TRHDE: variants seen among roughly 807,000 people sequenced by gnomAD.
TRHDE encodes the protein thyrotropin releasing hormone degrading enzyme.
TRHDE carries 72 observed loss-of-function variants against 125.7 expected under a neutral mutation model. That is an observed-to-expected ratio of 0.57 (90% CI 0.47 to 0.70). The LOEUF (loss-of-function observed/expected upper bound fraction) is 0.70, where lower values mean the gene tolerates loss of function less well. Ranked by LOEUF, TRHDE falls within the 30% of genes least tolerant of loss-of-function variation. TRHDE has a pLI of 0.00. For missense variants in TRHDE, 1,110 were observed against 1,327.1 expected, an observed-to-expected ratio of 0.84 and a Z score of 2.54; for synonymous variants, 509 against 509.1, an observed-to-expected ratio of 1.00 and a Z score of 0.00.
chr12:72,662,631 T>G (rs1592602617), intron 18 of TRHDE, among the ~76,000 whole-genome samples: 1 of 152,158 alleles, frequency 6.6e-6, no homozygotes, highest in Non-Finnish European at 1.5e-5. Context: ...GCAGACAAAA[T>G]GTGAACTTTA....
intron 2 of TRHDE, among the ~76,000 whole-genome samples, chr12:72,148,943 T>G (rs891970667): frequency 3.3e-5 from 5 of 152,194 alleles, no homozygotes; most frequent in African/African-American, 1.2e-4. Flanking sequence ...TATAGGACAG[T>G]GTGTATGCTC....
chr12:72,508,727 G>A (rs1284420824), intron 6 of TRHDE, among the ~76,000 whole-genome samples: 1 of 152,142 alleles, frequency 6.6e-6, no homozygotes, highest in African/African-American at 2.4e-5. Flanking sequence ...TTTGCGATGG[G>A]AGAAGGACAT....
intron 10 of TRHDE, among the ~76,000 whole-genome samples, chr12:72,570,202 C>A (rs190189149): frequency 6.6e-6 from 1 of 152,272 alleles, no homozygotes; most frequent in East Asian, 1.9e-4. Context: ...CTGGTGGATA[C>A]CTTTCCGGGT....
In TRHDE at chr12:72,217,925, A is replaced by G. The variant is rs924106157; in HGVS notation, n.279+112173A>G. Among the ~76,000 whole-genome samples, 4 of 152,128 alleles carry G rather than the reference A, an allele frequency of 2.6e-5. No individual in the cohort carries two copies. In the South Asian group the frequency reaches 8.3e-4, roughly 32 times the overall value. ...TATTAAGACAAACTTTAAGATTAGT[A>G]TTAAATTTAAAATTTTTTGTCTATA... On this transcript the variant is annotated intron_variant and non_coding_transcript_variant, in intron 2 of 4. Transcript: ENST00000548156.
intron 12 of TRHDE, among the ~76,000 whole-genome samples, chr12:72,600,860 A>G (rs943049008): frequency 3.9e-5 from 6 of 152,088 alleles, no homozygotes; most frequent in Non-Finnish European, 5.9e-5. Context: ...ATTACTGACA[A>G]TGCACCTAGT....
At chr12:72,413,564 T>G (rs1326017099) in intron 3 of TRHDE, among the ~76,000 whole-genome samples, 1 of 152,030 alleles carries the variant, frequency 6.6e-6, no homozygotes, top group East Asian at 1.9e-4. Context: ...ACTAGAAATT[T>G]TAAACTATGT....
At chr12:72,188,502 A>G (rs1877272828) in intron 2 of TRHDE, among the ~76,000 whole-genome samples, 1 of 152,202 alleles carries the variant, frequency 6.6e-6, no homozygotes. Flanking sequence ...TGGGATAGTA[A>G]CAGTAAATTT....
intron 2 of TRHDE, among the ~76,000 whole-genome samples, chr12:72,205,112 C>T (rs1425214777): frequency 6.6e-6 from 1 of 152,154 alleles, no homozygotes; most frequent in Non-Finnish European, 1.5e-5. Flanking sequence ...CTAATCCCTC[C>T]ATAGCGTATG....
chr12:72,414,748 C>T (rs1388456812), intron 3 of TRHDE, among the ~76,000 whole-genome samples: 2 of 152,012 alleles, frequency 1.3e-5, no homozygotes, highest in East Asian at 1.9e-4. Context: ...TGATCTCTTC[C>T]TAGTATCTTC....
At chr12:72,565,387 A>G (rs1427037510) in intron 9 of TRHDE, among the ~76,000 whole-genome samples, 4 of 152,250 alleles carry the variant, frequency 2.6e-5, no homozygotes, top group African/African-American at 9.6e-5. Flanking sequence ...TATATGTAAT[A>G]GTTGTATTAC....
At chr12:72,568,701 A>C (rs755284244) in intron 10 of TRHDE, 45 bp downstream of exon 10, 5 of 1,361,028 alleles carry the variant, frequency 3.7e-6, no homozygotes, top group Non-Finnish European at 4.2e-6. Context: ...GTTTCAGATA[A>C]TTGTTTAGCA....
intron 3 of TRHDE, among the ~76,000 whole-genome samples, chr12:72,434,414 A>G (rs2135847151): frequency 6.8e-6 from 1 of 148,046 alleles, no homozygotes; most frequent in Admixed American, 6.7e-5. Context: ...AAAAAAGTTT[A>G]TCATATGTCT....
At chr12:72,405,233 G>A (rs1178857291) in intron 3 of TRHDE, among the ~76,000 whole-genome samples, 1 of 152,102 alleles carries the variant, frequency 6.6e-6, no homozygotes, top group Non-Finnish European at 1.5e-5. Context: ...CTTGGCTGTG[G>A]GTGAGGGAAC....
chr12:72,209,682 T>C (rs1877736196), intron 2 of TRHDE, among the ~76,000 whole-genome samples: 1 of 152,210 alleles, frequency 6.6e-6, no homozygotes, highest in African/African-American at 2.4e-5. Flanking sequence ...GGGGTAAACA[T>C]GTTTATTCTG....
intron 5 of TRHDE, among the ~76,000 whole-genome samples, chr12:72,490,486 A>G (rs1877616448): frequency 6.6e-6 from 1 of 151,790 alleles, no homozygotes; most frequent in Admixed American, 6.6e-5. Context: ...CCCAAAGGAA[A>G]TGGAATCACC....
In TRHDE at chr12:72,542,241, A is replaced by C. The variant is rs369481054; in HGVS notation, c.1723-50A>C. The stretch of plus-strand genomic sequence containing the variant: ...TAGATTTGAGTAAAACAACTTTACA[A>C]TCATGATACTTTGTTGAAATTCTGT... On this transcript the variant is annotated intron_variant, in intron 6 of 18. Transcript: ENST00000261180. 40 of 1,418,214 alleles carry C rather than the reference A, an allele frequency of 2.8e-5. No homozygotes were observed. The African/African-American group carries it at 5.4e-4, about 19-fold the overall frequency. 87.9% of individuals were successfully genotyped at this position (1,418,214 alleles called of 1,614,324 possible).
intron 2 of TRHDE, among the ~76,000 whole-genome samples, chr12:72,210,397 C>T (rs1427125795): frequency 6.6e-6 from 1 of 151,852 alleles, no homozygotes; most frequent in Non-Finnish European, 1.5e-5. Context: ...TATTTCTTGC[C>T]CTGCAGATTA....
chr12:72,276,701 C>T (rs1396616922), intron 1 of TRHDE, among the ~76,000 whole-genome samples: 2 of 152,156 alleles, frequency 1.3e-5, no homozygotes, highest in African/African-American at 4.8e-5. Flanking sequence ...CCCAAGTTTT[C>T]CCAAGTTGAG....
chr12:72,654,319 A>G (rs1242939467), intron 17 of TRHDE, among the ~76,000 whole-genome samples: 1 of 152,264 alleles, frequency 6.6e-6, no homozygotes, highest in Non-Finnish European at 1.5e-5. Context: ...CATGATCTCC[A>G]TCCTATCTAA....
Sources: allele counts gnomAD v4.1 joint callset (sites outside exome capture counted in the v4.1 genomes callset), GRCh38; gene constraint gnomAD v4.1.1; transcripts MANE v1.5; gene names NCBI Gene and HGNC (gene_info 2026-07-23, HGNC 2026-07-21).